The following RREB1 variants were observed in gnomAD, a reference collection of about 807,000 sequenced individuals.
RREB1 encodes ras responsive element binding protein 1, also known as ras-responsive element-binding protein 1.
Under a neutral mutation model 117.8 loss-of-function variants are expected in RREB1, and 27 were observed. The ratio of observed to expected loss-of-function variants is 0.23; its 90% confidence interval spans 0.17 to 0.32. The LOEUF is 0.32. RREB1 is among the 10% of genes least tolerant of loss of function. The probability of loss-of-function intolerance (pLI) is 1.00; values close to 1 mark genes in which losing one functional copy is unlikely to be tolerated. For synonymous variants in RREB1, 1,298 were observed against 1,026.7 expected (o/e 1.26, Z -5.05); for missense variants, 2,577 against 2,378.2 (o/e 1.08, Z -1.74).
chr6:7,111,869 A>G (rs1581395295), intron 1 of RREB1, among the ~76,000 whole-genome samples: 2 of 152,252 alleles, frequency 1.3e-5, no homozygotes, highest in Admixed American at 6.5e-5. Flanking sequence ...AACTGATTCC[A>G]TGGTTTGTTT....
At chr6:7,113,263 G>C (rs940625541) in intron 1 of RREB1, among the ~76,000 whole-genome samples, 2 of 152,194 alleles carry the variant, frequency 1.3e-5, no homozygotes, top group East Asian at 3.8e-4. Flanking sequence ...AGAGTGAAGA[G>C]AAAACGTCTC....
intron 11 of RREB1, among the ~76,000 whole-genome samples, chr6:7,244,477 C>T (rs755699058): frequency 6.6e-6 from 1 of 152,126 alleles, no homozygotes; most frequent in Non-Finnish European, 1.5e-5. Context: ...AGAGTTTATA[C>T]CAATATCCAT....
At chr6:7,164,102 C>T (rs1269024064) in intron 1 of RREB1, among the ~76,000 whole-genome samples, 1 of 152,192 alleles carries the variant, frequency 6.6e-6, no homozygotes, top group Non-Finnish European at 1.5e-5. Context: ...CTGGTCGCCA[C>T]ACATGCCCTG....
chr6:7,143,813 C>G (rs1024445913), intron 1 of RREB1, among the ~76,000 whole-genome samples: 1 of 151,180 alleles, frequency 6.6e-6, no homozygotes, highest in East Asian at 1.9e-4. Context: ...CCCACTCTGC[C>G]GGCGACCAGT....
chr6:7,208,523 C>T (rs1406428077), intron 6 of RREB1, among the ~76,000 whole-genome samples: 2 of 152,226 alleles, frequency 1.3e-5, no homozygotes, highest in South Asian at 2.1e-4. Flanking sequence ...GGGGATTTCA[C>T]CCTGAAATGG....
Position 7,230,774 on chromosome 6 carries a change from T to C in RREB1, c.2675T>C (p.Phe892Ser), listed in dbSNP as rs1262176026. Reference sequence around the variant, plus strand: ...ATCAAGTTGGAGCCCGCCAGTAGCTTTGCGGTGGACTTCAATGAGCCCCTG... The same window carrying C: ...ATCAAGTTGGAGCCCGCCAGTAGCTCTGCGGTGGACTTCAATGAGCCCCTG... ...VSIKLEPASS[F>S]AVDFNEPLDF... is the part of the protein sequence containing the mutation. Residue 892 changes from phenylalanine (F) to serine (S), a missense_variant, in exon 10 of 13, where the codon TTT (phenylalanine) becomes TCT (serine). Coordinates refer to ENST00000379938, the MANE Select transcript of RREB1 (RefSeq NM_001003699.4). 1 of 1,613,014 alleles carries C rather than the reference T, an allele frequency of 6.2e-7. No homozygotes were observed. The highest frequency in any genetic ancestry group is 8.5e-7 in the Non-Finnish European group (1 of 1,179,378).
In RREB1 at chr6:7,229,312, G is replaced by T; in HGVS notation, c.1213G>T (p.Gly405Cys). Reference protein sequence around the residue: ...TLKCQLPQDPGCTNLLSLSPF... With the variant: ...TLKCQLPQDPCCTNLLSLSPF... ...CAAGTGTCAGCTACCTCAGGACCCC[G>T]GCTGCACCAACCTGCTGAGCCTGTC... Residue 405 changes from glycine (G) to cysteine (C), a missense_variant, in exon 10 of 13, where the codon GGC becomes TGC. Gly to Cys is a radical substitution (Grantham distance 159). Coordinates refer to ENST00000379938, the MANE Select transcript of RREB1 (RefSeq NM_001003699.4). The surrounding 1 kb of genome is among the most constrained non-coding windows in gnomAD (Gnocchi z 4.5). 2 of 1,614,078 alleles carry T rather than the reference G, an allele frequency of 1.2e-6. No homozygotes were observed. Among genetic ancestry groups the T allele is most frequent in the Non-Finnish European group, 1.7e-6 (2 of 1,180,024 alleles).
At chr6:7,114,476 G>C (rs1022960363) in intron 1 of RREB1, among the ~76,000 whole-genome samples, 1 of 151,980 alleles carries the variant, frequency 6.6e-6, no homozygotes, top group East Asian at 1.9e-4. Flanking sequence ...GGTGGGGGGG[G>C]GGGCGGCAGC....
intron 1 of RREB1, among the ~76,000 whole-genome samples, chr6:7,129,412 C>T (rs746261146): frequency 1.9e-4 from 29 of 152,178 alleles, no homozygotes; most frequent in Non-Finnish European, 3.1e-4. Flanking sequence ...CACAGTTGGC[C>T]TGCTTAGGCC....
chr6:7,241,969 T>C (rs912174760), intron 11 of RREB1, among the ~76,000 whole-genome samples: 1 of 152,248 alleles, frequency 6.6e-6, no homozygotes, highest in East Asian at 1.9e-4. Context: ...CGCACACCAG[T>C]GCTGGCAGGC....
Position 7,246,550 on chromosome 6 carries a change from A to C in RREB1, c.4100A>C (p.Glu1367Ala), listed in dbSNP as rs1185556898. ...LRQVAGDAPV[E>A]QATAETASPV... is the part of the protein sequence containing the mutation. ...CAGGTCGCAGGGGATGCGCCTGTGG[A>C]GCAGGCCACGGCGGAAACGGCCTCG... The change falls in exon 12 of 13, where the codon GAG becomes GCG. Residue 1367 changes from glutamate (E) to alanine (A), a missense_variant. Transcript: ENST00000379938. 4 of 1,548,308 alleles carry C rather than the reference A, an allele frequency of 2.6e-6. No homozygotes were observed. Among genetic ancestry groups the C allele is most frequent in the Non-Finnish European group, 2.6e-6 (3 of 1,146,654 alleles).
At chr6:7,113,070 A>G (rs1418921354) in intron 1 of RREB1, among the ~76,000 whole-genome samples, 1 of 152,160 alleles carries the variant, frequency 6.6e-6, no homozygotes, top group African/African-American at 2.4e-5. Context: ...GAGAGGGTGG[A>G]GATTGTTTGT....
At chr6:7,240,695 G>A in intron 11 of RREB1, 93 bp downstream of exon 11, 2 of 1,184,628 alleles carry the variant, frequency 1.7e-6, no homozygotes, top group South Asian at 1.5e-5. Flanking sequence ...CTGTGGAGGG[G>A]CTGCTTGTTC....
Position 7,230,095 on chromosome 6 carries a change from C to G in RREB1, c.1996C>G (p.Leu666Val). Residue 666 changes from leucine to valine, a missense_variant, in exon 10 of 13, where the codon CTG becomes GTG. Leu to Val is a conservative substitution (Grantham distance 32, BLOSUM62 1). Coordinates refer to ENST00000379938, the MANE Select transcript of RREB1 (RefSeq NM_001003699.4). ...CTTGCGTGCCCACGTGCGCTCCCAC[C>G]TGGGCATCTCGCCATACCAGTGCAA... ...GVLRAHVRSH[L>V]GISPYQCNIC... The G allele has an allele frequency of 1.2e-6, 2 of 1,602,492 alleles. No individual in the cohort carries two copies. The highest frequency in any genetic ancestry group is 2.2e-5 in the South Asian group (2 of 90,638).
At chr6:7,144,821 T>C (rs1762786452) in intron 1 of RREB1, among the ~76,000 whole-genome samples, 1 of 152,206 alleles carries the variant, frequency 6.6e-6, no homozygotes, top group Admixed American at 6.5e-5. Flanking sequence ...TGTGCCTTGG[T>C]ATCCTGGAGC....
Position 7,230,486 on chromosome 6 carries a change from GCGCCGCGTTCGCGGC to G in RREB1, c.2389_2403del (p.Ala797_Ala801del). 1.3e-6 allele frequency: 2 copies of G among 1,594,506 alleles called. No individual in the cohort carries two copies. Among genetic ancestry groups the G allele is most frequent in the Non-Finnish European group, 1.7e-6 (2 of 1,177,490 alleles). ...AAGCCCTTCGAGTGCAAGGAGTGCA[GCGCCGCGTTCGCGGC>G]CAAGCGCAACTGCATCCACCACATC... is the stretch of plus-strand genomic sequence containing the variant. On this transcript the variant is annotated inframe_deletion, in exon 10 of 13. Transcript: ENST00000379938.
intron 2 of RREB1, among the ~76,000 whole-genome samples, chr6:7,178,542 C>T (rs571919086): frequency 6.6e-6 from 1 of 152,328 alleles, no homozygotes; most frequent in East Asian, 1.9e-4. Context: ...TTCTTCCCTG[C>T]TCTGTGGTCC....
chr6:7,186,988 A>G (rs1407299822), intron 4 of RREB1, among the ~76,000 whole-genome samples: 1 of 152,178 alleles, frequency 6.6e-6, no homozygotes, highest in Non-Finnish European at 1.5e-5. Context: ...GAACCTTGTT[A>G]TCTCTCAGGT....
At chr6:7,141,184 G>C (rs1762562016) in intron 1 of RREB1, among the ~76,000 whole-genome samples, 1 of 152,072 alleles carries the variant, frequency 6.6e-6, no homozygotes, top group African/African-American at 2.4e-5. Flanking sequence ...CGGGTAGCGA[G>C]GCCATCAGTC....
Sources: allele counts gnomAD v4.1 joint callset (sites outside exome capture counted in the v4.1 genomes callset), GRCh38; gene constraint gnomAD v4.1.1; non-coding constraint Gnocchi (gnomAD v3.1); transcripts MANE v1.5; gene names NCBI Gene and HGNC (gene_info 2026-07-23, HGNC 2026-07-21).